Variants in C1QTNF3 observed in about 807,000 individuals in gnomAD.
C1QTNF3 encodes the protein complement C1q tumor necrosis factor-related protein 3.
In C1QTNF3, 26 loss-of-function variants were observed where a neutral mutation model predicts 32.6. The ratio of observed to expected loss-of-function variants is 0.80; its 90% CI spans 0.58 to 1.11. The LOEUF (loss-of-function observed/expected upper bound fraction) is 1.11, where lower values mean the gene tolerates loss of function less well. C1QTNF3 is among the 50% of genes least tolerant of loss of function. The pLI, the probability that C1QTNF3 is intolerant of heterozygous loss-of-function variation, is 0.00. For missense variants in C1QTNF3, 362 were observed against 398.2 expected (o/e 0.91, Z 0.77); for synonymous variants, 155 against 146.0 (o/e 1.06, Z -0.44).
the C1QTNF3 span, among the ~76,000 whole-genome samples, chr5:34,048,430 T>C: frequency 3.3e-5 from 5 of 152,058 alleles, no homozygotes; most frequent in African/African-American, 4.8e-5. Context: ...GAATTTACTA[T>C]AAGAAATTAC....
the C1QTNF3 span, among the ~76,000 whole-genome samples, chr5:34,176,428 A>AGAC: frequency 1.2e-3 from 183 of 150,116 alleles, 2 homozygotes; most frequent in South Asian, 0.012. Context: ...ACAAAAAAAA[A>AGAC]AGCCAAGGAA....
At chr5:34,028,973 A>G (rs1265088858) in intron 3 of C1QTNF3, 90 bp from the exon 4 acceptor site, 2 of 1,096,202 alleles carry the variant, frequency 1.8e-6, no homozygotes, top group Non-Finnish European at 2.6e-6. Context: ...CATTATACAT[A>G]ACAGCAAGAT....
chr5:34,230,433 G>T, the C1QTNF3 span, among the ~76,000 whole-genome samples: 1 of 152,062 alleles, frequency 6.6e-6, no homozygotes, highest in Non-Finnish European at 1.5e-5. Flanking sequence ...TTTCATGATG[G>T]TCAATGATAT....
chr5:34,036,401 T>A (rs1318841648), intron 1 of C1QTNF3, among the ~76,000 whole-genome samples: 1 of 152,220 alleles, frequency 6.6e-6, no homozygotes, highest in Admixed American at 6.5e-5. Context: ...TTATCACGTA[T>A]AACATGTTGT....
the C1QTNF3 span, among the ~76,000 whole-genome samples, chr5:34,235,868 C>A: frequency 6.6e-6 from 1 of 152,266 alleles, no homozygotes; most frequent in Non-Finnish European, 1.5e-5. Flanking sequence ...GCTTTGACAA[C>A]TACACTCAAC....
chr5:34,103,233 C>T, the C1QTNF3 span, among the ~76,000 whole-genome samples: 6 of 151,964 alleles, frequency 3.9e-5, no homozygotes, highest in African/African-American at 1.4e-4. Flanking sequence ...TTCCAGAATC[C>T]CACCTTTGTT....
the C1QTNF3 span, among the ~76,000 whole-genome samples, chr5:34,177,754 T>C: frequency 6.6e-6 from 1 of 151,802 alleles, no homozygotes; most frequent in Non-Finnish European, 1.5e-5. Flanking sequence ...CCCAAAGTGC[T>C]GGGATTACAG....
At chr5:34,030,950 G>C (rs958975138) in intron 3 of C1QTNF3, among the ~76,000 whole-genome samples, 1 of 152,168 alleles carries the variant, frequency 6.6e-6, no homozygotes, top group Non-Finnish European at 1.5e-5. Context: ...AAGGTGGGAG[G>C]AGGGAGAGAA....
intron 5 of C1QTNF3, among the ~76,000 whole-genome samples, chr5:34,021,182 A>C (rs1197098087): frequency 6.6e-6 from 1 of 152,252 alleles, no homozygotes; most frequent in East Asian, 1.9e-4. Context: ...TTGGTACAAA[A>C]GGAGGCTGCT....
chr5:34,160,780 G>A, the C1QTNF3 span, among the ~76,000 whole-genome samples: 58 of 151,990 alleles, frequency 3.8e-4, no homozygotes, highest in African/African-American at 1.4e-3. Flanking sequence ...ACCCATGACA[G>A]ACTGATAATA....
the C1QTNF3 span, among the ~76,000 whole-genome samples, chr5:34,209,322 T>C: frequency 2.0e-5 from 3 of 151,634 alleles, no homozygotes; most frequent in South Asian, 2.1e-4. Context: ...CTAACGCGCA[T>C]AGGCTTAATG....
chr5:34,162,375 C>T, the C1QTNF3 span, among the ~76,000 whole-genome samples: 1 of 152,142 alleles, frequency 6.6e-6, no homozygotes, highest in African/African-American at 2.4e-5. Context: ...TTAGTCCATT[C>T]ATGAGGGCAG....
At chr5:34,227,416 G>T in the C1QTNF3 span, among the ~76,000 whole-genome samples, 1 of 151,864 alleles carries the variant, frequency 6.6e-6, no homozygotes, top group African/African-American at 2.4e-5. Flanking sequence ...TATAATAGAT[G>T]CATATATATT....
upstream of C1QTNF3, among the ~76,000 whole-genome samples, chr5:34,048,139 A>G (rs1017592279): frequency 2.0e-5 from 3 of 152,200 alleles, no homozygotes; most frequent in African/African-American, 7.2e-5. Flanking sequence ...TTTATAATGA[A>G]AAATATAACT....
At chr5:34,068,771 C>T in the C1QTNF3 span, among the ~76,000 whole-genome samples, 1 of 152,210 alleles carries the variant, frequency 6.6e-6, no homozygotes, top group South Asian at 2.1e-4. Context: ...ATACTGTTAT[C>T]AAACTTGTGG....
At chr5:34,184,727 A>C in the C1QTNF3 span, among the ~76,000 whole-genome samples, 36 of 152,258 alleles carry the variant, frequency 2.4e-4, no homozygotes, top group African/African-American at 8.7e-4. Flanking sequence ...AAAAAAAAAA[A>C]AAAAAAAAAA....
chr5:34,130,133 A>ATG, the C1QTNF3 span, among the ~76,000 whole-genome samples: 1 of 134,462 alleles, frequency 7.4e-6, no homozygotes, highest in Admixed American at 6.9e-5. Flanking sequence ...TTATATATAT[A>ATG]CACACACACA....
the C1QTNF3 span, among the ~76,000 whole-genome samples, chr5:34,212,782 T>C: frequency 8.8e-3 from 1,317 of 149,346 alleles, 10 homozygotes; most frequent in Middle Eastern, 0.031. Context: ...TGTGGAGAAA[T>C]AGGAACACTT....
At chr5:34,119,209 A>G in the C1QTNF3 span, among the ~76,000 whole-genome samples, 2 of 152,230 alleles carry the variant, frequency 1.3e-5, no homozygotes, top group African/African-American at 2.4e-5. Flanking sequence ...AATCTGATCA[A>G]TATCTCTGAG....
Sources: allele counts gnomAD v4.1 joint callset (sites outside exome capture counted in the v4.1 genomes callset), GRCh38; gene constraint gnomAD v4.1.1; transcripts MANE v1.5; gene names NCBI Gene and HGNC (gene_info 2026-07-23, HGNC 2026-07-21).